ARHGEF11: variants seen among roughly 807,000 people sequenced by gnomAD.
ARHGEF11 encodes the protein Rho guanine nucleotide exchange factor 11.
ARHGEF11 carries 55 observed loss-of-function variants against 193.7 expected under a neutral mutation model. The ratio of observed to expected loss-of-function variants is 0.28; its 90% confidence interval spans 0.23 to 0.36. The LOEUF (loss-of-function observed/expected upper bound fraction) is 0.36, where lower values mean the gene tolerates loss of function less well. ARHGEF11 is among the 10% of genes least tolerant of loss of function. ARHGEF11 has a pLI of 1.00. For synonymous variants in ARHGEF11, 693 were observed against 768.0 expected (o/e 0.90, Z 1.62); for missense variants, 1,723 against 2,005.6 (o/e 0.86, Z 2.69).
upstream of ARHGEF11, among the ~76,000 whole-genome samples, chr1:157,046,018 G>T (rs948029962): frequency 1.3e-5 from 2 of 150,726 alleles, no homozygotes; most frequent in East Asian, 2.0e-4. Context: ...CGCGACTCCC[G>T]CCGACCGGCC....
At chr1:157,013,295 A>ACACACACACACACACACACACACACACC (rs1557952661) in intron 1 of ARHGEF11, among the ~76,000 whole-genome samples, 3 of 149,816 alleles carry the variant, frequency 2.0e-5, no homozygotes, top group Non-Finnish European at 3.0e-5. Context: ...ACACACACAC[A>ACACACACACACACACACACACACACACC]CACACCAAGA....
At chr1:156,996,289 T>C (rs1666481156) in intron 1 of ARHGEF11, among the ~76,000 whole-genome samples, 4 of 152,136 alleles carry the variant, frequency 2.6e-5, no homozygotes, top group Admixed American at 2.6e-4. Flanking sequence ...TAAAGTGTGT[T>C]GGTAGTTACA....
chr1:157,016,106 G>A (rs1193207497), intron 1 of ARHGEF11, among the ~76,000 whole-genome samples: 2 of 152,124 alleles, frequency 1.3e-5, no homozygotes, highest in African/African-American at 4.8e-5. Flanking sequence ...TCACAAATAA[G>A]ACCTAAACCC....
chr1:156,936,526 A>ATATATATATATATATAT (rs1655356160), intron 40 of ARHGEF11, among the ~76,000 whole-genome samples: 1 of 132,366 alleles, frequency 7.6e-6, no homozygotes, highest in African/African-American at 2.9e-5. Flanking sequence ...ATATATATAT[A>ATATATATATATATATAT]AAATTAAAAA....
At chr1:156,999,611 C>G (rs1454210102) in intron 1 of ARHGEF11, among the ~76,000 whole-genome samples, 1 of 152,162 alleles carries the variant, frequency 6.6e-6, no homozygotes, top group Non-Finnish European at 1.5e-5. Flanking sequence ...CAACCATGAT[C>G]TAGAAGCAAT....
At chr1:156,985,249 C>T (rs1438503468) in intron 2 of ARHGEF11, among the ~76,000 whole-genome samples, 1 of 152,076 alleles carries the variant, frequency 6.6e-6, no homozygotes. Context: ...TGCCTCAGCT[C>T]CCTCATTTGC....
In ARHGEF11 at chr1:156,959,142, T is replaced by C. The variant is rs770240290; in HGVS notation, c.1283A>G (p.Asp428Gly). The change falls in exon 16 of 41, where the codon GAC (aspartate) becomes GGC (glycine). Residue 428 changes from aspartate to glycine, a missense_variant and splice_region_variant. Transcript: ENST00000368194. Reference sequence around the variant, plus strand: ...ATCTTCGCTGTTCCGCAGGCGCGAGTCTGTAGTGGGAGATCAGAGAAAGCA... The same window carrying C: ...ATCTTCGCTGTTCCGCAGGCGCGAGCCTGTAGTGGGAGATCAGAGAAAGCA... ...KIPEMLQAEI[D>G]SRLRNSEDAR... is the part of the protein sequence containing the mutation. The C allele has an allele frequency of 6.2e-7, 1 of 1,613,546 alleles. No individual in the cohort carries two copies.
intron 1 of ARHGEF11, among the ~76,000 whole-genome samples, chr1:157,015,286 C>A (rs938644618): frequency 7.9e-5 from 12 of 152,192 alleles, no homozygotes. Flanking sequence ...CTACTACTTA[C>A]CAGCTGTGTG....
intron 1 of ARHGEF11, among the ~76,000 whole-genome samples, chr1:156,989,270 C>T (rs939160494): frequency 6.6e-6 from 1 of 152,080 alleles, no homozygotes; most frequent in Non-Finnish European, 1.5e-5. Context: ...TCTTTATAAT[C>T]GTTTCCCAGA....
intron 4 of ARHGEF11, 104 bp downstream of exon 4, chr1:156,980,333 C>A: frequency 7.2e-7 from 1 of 1,388,902 alleles, no homozygotes; most frequent in Non-Finnish European, 1.0e-6. Context: ...GGCTGCCTGG[C>A]AGTTGGTATC....
chr1:157,018,981 C>T (rs146757011), intron 1 of ARHGEF11, among the ~76,000 whole-genome samples: 2,268 of 152,062 alleles, frequency 0.015, 54 homozygotes, highest in African/African-American at 0.052. Flanking sequence ...CAAAAAGTAA[C>T]GAAGAATAAA....
intron 22 of ARHGEF11, among the ~76,000 whole-genome samples, chr1:156,950,695 T>C (rs977137152): frequency 5.9e-5 from 9 of 152,032 alleles, no homozygotes; most frequent in Admixed American, 2.0e-4. Context: ...GAAGGCAAAA[T>C]GGCTTGAATA....
chr1:157,034,457 T>A (rs1671667303), intron 1 of ARHGEF11, among the ~76,000 whole-genome samples: 1 of 152,230 alleles, frequency 6.6e-6, no homozygotes, highest in South Asian at 2.1e-4. Context: ...CCAACAAGGC[T>A]GCTCTGTCCC....
chr1:156,937,187 G>A, intron 39 of ARHGEF11, 62 bp downstream of exon 39: 1 of 1,607,010 alleles, frequency 6.2e-7, no homozygotes, highest in Non-Finnish European at 8.5e-7. Flanking sequence ...TCTCACTCAT[G>A]GGGAATGGTT....
rs1245222439 is a variant in ARHGEF11, at chr1:156,957,858, G to A, written c.1503-43C>T. 1.9e-6 allele frequency: 3 copies of A among 1,609,958 alleles called. No individual in the cohort carries two copies. In the East Asian group the frequency reaches 6.7e-5, roughly 36 times the overall value. ...ACAGATGACTCAGACTGCAAAGACA[G>A]AGGCTGGTCACCTGGTTAGAGGCTA... On this transcript the variant is annotated intron_variant, in intron 17 of 40. Coordinates refer to ENST00000368194, the MANE Select transcript of ARHGEF11 (RefSeq NM_198236.3).
chr1:156,968,551 C>T (rs1261745309), intron 10 of ARHGEF11, among the ~76,000 whole-genome samples: 2 of 152,194 alleles, frequency 1.3e-5, no homozygotes, highest in East Asian at 3.8e-4. Flanking sequence ...TTCCCACATA[C>T]CGATCCTTTC....
Position 157,044,580 on chromosome 1 carries a change from A to T in ARHGEF11, c.-250T>A. On this transcript the variant is annotated 5_prime_UTR_variant, in exon 1 of 41. Transcript: ENST00000368194. ...AAAAAAGAAAAGAAAAGAAAAAAGAAAAAAAAAGGAAAAGAGGAAAAACTA... is the reference window on the plus strand; with the variant it reads ...AAAAAAGAAAAGAAAAGAAAAAAGATAAAAAAAGGAAAAGAGGAAAAACTA... 2.0e-6 allele frequency: 1 copy of T among 492,544 alleles called. No homozygotes were observed. Among genetic ancestry groups the T allele is most frequent in the Non-Finnish European group, 3.6e-6 (1 of 278,788 alleles). 30.5% of individuals were successfully genotyped at this position (492,544 alleles called of 1,614,324 possible).
chr1:156,948,538 C>A lies in ARHGEF11; in HGVS notation c.1926-40G>T. The A allele has an allele frequency of 1.9e-6, 3 of 1,614,036 alleles. No homozygotes were observed. Among genetic ancestry groups the A allele is most frequent in the South Asian group, 2.2e-5 (2 of 91,020 alleles). ...CAAAAGACTTTGGGACTTGGGAAGT[C>A]AGTGGGCCATGCTTACATCCTGGCT... On this transcript the variant is annotated intron_variant, in intron 22 of 40. Transcript: ENST00000368194. The surrounding 1 kb of genome is among the most constrained non-coding windows in gnomAD (Gnocchi z 4.2).
At position 156,936,078 on chromosome 1, in the gene ARHGEF11, G is replaced by A; in HGVS notation, c.4631-20C>T. 1 of 1,613,882 alleles carries A rather than the reference G, an allele frequency of 6.2e-7. No individual in the cohort carries two copies. The highest frequency in any genetic ancestry group is 8.5e-7 in the Non-Finnish European group (1 of 1,179,804). ...CAGAGCCTGTGGGAGGAGGATGAAGGTGAGGAACTGGCCAGCCTGAGGTGA... is the reference window on the plus strand; with the variant it reads ...CAGAGCCTGTGGGAGGAGGATGAAGATGAGGAACTGGCCAGCCTGAGGTGA... On this transcript the variant is annotated intron_variant, in intron 40 of 40. Transcript: ENST00000368194.
Sources: allele counts gnomAD v4.1 joint callset (sites outside exome capture counted in the v4.1 genomes callset), GRCh38; gene constraint gnomAD v4.1.1; non-coding constraint Gnocchi (gnomAD v3.1); transcripts MANE v1.5; gene names NCBI Gene and HGNC (gene_info 2026-07-23, HGNC 2026-07-21).